CARD10: variants seen among roughly 807,000 people sequenced by gnomAD.
CARD10 encodes caspase recruitment domain-containing protein 10.
Under a neutral mutation model 114.6 loss-of-function variants are expected in CARD10, and 49 were observed. The ratio of observed to expected loss-of-function variants is 0.43; its 90% CI spans 0.34 to 0.54. CARD10 has a LOEUF of 0.54. Among genes scored for constraint, CARD10 ranks in the 20% least tolerant of loss-of-function variants. The probability of loss-of-function intolerance (pLI) is 0.03; values close to 1 mark genes in which losing one functional copy is unlikely to be tolerated. For synonymous variants in CARD10, 602 were observed against 593.2 expected, an observed-to-expected ratio of 1.01 and a Z score of -0.21; for missense variants, 1,206 against 1,397.2, an observed-to-expected ratio of 0.86 and a Z score of 2.18.
At chr22:37,499,807 C>T (rs932506863) in intron 11 of CARD10, among the ~76,000 whole-genome samples, 6 of 151,978 alleles carry the variant, frequency 3.9e-5, no homozygotes, top group South Asian at 2.1e-4. Context: ...CCCAGCCCCC[C>T]GCCTCAGCAG....
At chr22:37,513,607 G>A (rs1923736197) in intron 3 of CARD10, among the ~76,000 whole-genome samples, 1 of 151,962 alleles carries the variant, frequency 6.6e-6, no homozygotes, top group Non-Finnish European at 1.5e-5. Context: ...AAGCCGTGAG[G>A]GCTGCAGCCC....
rs1045199006 is a variant in CARD10 at position 37,519,285 on chromosome 22, C to T, written c.-85G>A. On this transcript the variant is annotated 5_prime_UTR_variant, in exon 1 of 20. Coordinates refer to ENST00000251973, the MANE Select transcript of CARD10 (RefSeq NM_014550.4). The surrounding 1 kb of genome is among the most constrained non-coding windows in gnomAD (Gnocchi z 4.1). Reference sequence around the variant, plus strand: ...GGCTAGATGTGCGGCCAAGCACCCCCGGGGCGTCGTCCGCAGACCCGCCGT... The same window carrying T: ...GGCTAGATGTGCGGCCAAGCACCCCTGGGGCGTCGTCCGCAGACCCGCCGT... 5 of 1,363,854 alleles carry T rather than the reference C, an allele frequency of 3.7e-6. No individual in the cohort carries two copies. Among genetic ancestry groups the T allele is most frequent in the South Asian group, 1.7e-5 (1 of 57,782 alleles). The allele number at this position is 1,363,854 out of a possible 1,614,324, so 84.5% of individuals were successfully genotyped here. A position where few individuals can be genotyped will look rare whatever the true frequency, so the allele number is the denominator to read the frequency against.
rs186349980 is a variant in CARD10 at position 37,497,841 on chromosome 22, T to C, written c.1788-663A>G. 6.2e-5 allele frequency among the ~76,000 whole-genome samples: 9 copies of C among 146,160 alleles called. No individual in the cohort carries two copies. The Admixed American group carries it at 6.2e-4, about 10-fold the overall frequency. On this transcript the variant is annotated intron_variant, in intron 11 of 19. Transcript: ENST00000251973. ...TGCACTCCAGCCTGGGCAACAAGAC[T>C]GAAACTCTGTCTCAAAAAAAAAAAA... is the stretch of plus-strand genomic sequence containing the variant.
chr22:37,499,328 A>G (rs1601810748), intron 11 of CARD10, among the ~76,000 whole-genome samples: 1 of 152,116 alleles, frequency 6.6e-6, no homozygotes, highest in African/African-American at 2.4e-5. Flanking sequence ...AGGAGACACT[A>G]AGTGCTCTGT....
chr22:37,498,282 G>A (rs1923079880), intron 11 of CARD10, among the ~76,000 whole-genome samples: 1 of 152,118 alleles, frequency 6.6e-6, no homozygotes, highest in Admixed American at 6.5e-5. Context: ...TCCTCCCATG[G>A]GCAGGAGGAC....
At chr22:37,502,876 G>C in intron 10 of CARD10, 151 bp from the exon 11 acceptor site, 1 of 938,942 alleles carries the variant, frequency 1.1e-6, no homozygotes, top group Non-Finnish European at 1.6e-6. Context: ...TCAGAGATAG[G>C]TCAGGGCCCA....
At chr22:37,494,030 C>T in intron 16 of CARD10, 56 bp downstream of exon 16, 3 of 1,298,050 alleles carry the variant, frequency 2.3e-6, no homozygotes, top group Non-Finnish European at 3.3e-6. Context: ...CTCAGCTGCA[C>T]ACATCCCTGG....
Position 37,506,241 on chromosome 22 carries a change from G to A in CARD10, c.1334C>T (p.Ala445Val). The A allele has an allele frequency of 6.2e-7, 1 of 1,606,692 alleles. No individual in the cohort carries two copies. The highest frequency in any genetic ancestry group is 8.5e-7 in the Non-Finnish European group (1 of 1,176,220). Residue 445 changes from alanine (A) to valine (V), a missense_variant, in exon 7 of 20, where the codon GCT becomes GTT. Ala to Val is a moderately conservative substitution (Grantham distance 64). Transcript: ENST00000251973. ...CCGCTGCAGCTGAACCTCCAGCAGAGCCTTGGTGCCCTCCAGGCTGGTGAG... is the reference window on the plus strand; with the variant it reads ...CCGCTGCAGCTGAACCTCCAGCAGAACCTTGGTGCCCTCCAGGCTGGTGAG... The part of the protein sequence containing the change: ...TTLTSLEGTK[A>V]LLEVQLQRAQ...
chr22:37,519,035 C>T lies in CARD10; in HGVS notation c.166G>A (p.Val56Ile). The T allele has an allele frequency of 6.3e-7, 1 of 1,595,656 alleles. No homozygotes were observed. Residue 56 changes from valine (V) to isoleucine (I), a missense_variant, in exon 1 of 20, where the codon GTC becomes ATC. Physicochemically the swap from Val to Ile is conservative, Grantham distance 29. Around this residue, in one of 2 missense-constraint regions of CARD10, gnomAD observed 138 missense variants for 218.0 expected, o/e 0.63. Transcript: ENST00000251973. This position sits in a 1 kb window ranked among gnomAD's most constrained non-coding sequence, Gnocchi z 4.1. ...TCCTCCTCGTCCTGCTCGTCGATGA[C>T]CCGGCACTGGCGCAGATACGGCGTG... ...KLTPYLRQCR[V>I]IDEQDEEEVL...
chr22:37,495,026 G>A (rs533478176), intron 15 of CARD10, among the ~76,000 whole-genome samples: 30 of 152,058 alleles, frequency 2.0e-4, no homozygotes, highest in African/African-American at 6.5e-4. Context: ...GCAGTGGCGC[G>A]ATCTTGGCTC....
chr22:37,494,837 T>G (rs1346756526), intron 15 of CARD10, among the ~76,000 whole-genome samples: 2 of 152,226 alleles, frequency 1.3e-5, no homozygotes, highest in African/African-American at 4.8e-5. Flanking sequence ...GCTGCCTGGC[T>G]GGGGCCCTCG....
At chr22:37,508,725 G>A in intron 4 of CARD10, 43 bp from the exon 5 acceptor site, 1 of 1,511,226 alleles carries the variant, frequency 6.6e-7, no homozygotes, top group Non-Finnish European at 8.8e-7. Context: ...CTGGCTAGGG[G>A]CCCACCCTGG....
chr22:37,499,243 G>C (rs1484668361), intron 11 of CARD10, among the ~76,000 whole-genome samples: 1 of 152,112 alleles, frequency 6.6e-6, no homozygotes, highest in Non-Finnish European at 1.5e-5. Context: ...CTGCTCAGCC[G>C]CTTGAGCCTC....
chr22:37,513,267 C>T (rs111775049), intron 3 of CARD10, among the ~76,000 whole-genome samples: 21,335 of 151,924 alleles, frequency 0.14, 1,727 homozygotes, highest in South Asian at 0.22. Context: ...CATGCCACCA[C>T]GCCCGGCTAA....
intron 10 of CARD10, 44 bp from the exon 11 acceptor site, chr22:37,502,769 A>G (rs748604364): frequency 6.3e-7 from 1 of 1,593,046 alleles, no homozygotes; most frequent in Non-Finnish European, 8.5e-7. Context: ...ACTGGGAAAC[A>G]GGGATGGCCA....
intron 4 of CARD10, among the ~76,000 whole-genome samples, chr22:37,509,638 C>G (rs760721): frequency 0.29 from 42,601 of 148,116 alleles, 6,338 homozygotes; most frequent in African/African-American, 0.35. Context: ...CTCCTGACCT[C>G]CCCGCAGCCT....
chr22:37,506,515 T>G, intron 6 of CARD10, 132 bp from the exon 7 acceptor site: 3 of 546,586 alleles, frequency 5.5e-6, no homozygotes, highest in Non-Finnish European at 3.1e-6. Context: ...TGCCGGGCCC[T>G]GAGCTAAATT....
chr22:37,501,913 G>A lies in CARD10; in HGVS notation c.1787+689C>T, dbSNP rs1336097950. Among the ~76,000 whole-genome samples the A allele has an allele frequency of 6.6e-6, 1 of 151,954 alleles. No homozygotes were observed. The highest frequency in any genetic ancestry group is 1.5e-5 in the Non-Finnish European group (1 of 67,998). On this transcript the variant is annotated intron_variant, in intron 11 of 19. Coordinates refer to ENST00000251973, the MANE Select transcript of CARD10 (RefSeq NM_014550.4). The surrounding 1 kb of genome is among the most constrained non-coding windows in gnomAD (Gnocchi z 5.4). ...GCCTTGACTTTCGCCCTTCCCCCTCGCTCCTCCTCCACAGTCACCGGATGC... is the reference window on the plus strand; with the variant it reads ...GCCTTGACTTTCGCCCTTCCCCCTCACTCCTCCTCCACAGTCACCGGATGC...
At chr22:37,518,942 G>A (rs1434798986) in intron 1 of CARD10, 24 bp downstream of exon 1, 7 of 1,507,530 alleles carry the variant, frequency 4.6e-6, no homozygotes, top group South Asian at 1.2e-5. Context: ...CCAGGTCGTG[G>A]CCCACTCGGG....
Sources: gnomAD v4.1 joint callset for allele counts (sites outside exome capture counted in the v4.1 genomes callset) on GRCh38, gnomAD v4.1.1 for gene constraint, gnomAD v4.1.1 regional missense constraint, Gnocchi (gnomAD v3.1) non-coding constraint, MANE v1.5 for transcripts, NCBI Gene and HGNC (gene_info 2026-07-23, HGNC 2026-07-21) for gene names.